PLEKHG4B: variants seen among roughly 807,000 people sequenced by gnomAD.
The protein encoded by PLEKHG4B is pleckstrin homology domain-containing family G member 4B.
PLEKHG4B carries 111 observed loss-of-function variants against 121.3 expected under a neutral mutation model. That is an observed-to-expected ratio of 0.92 (90% CI 0.78 to 1.07). The LOEUF (loss-of-function observed/expected upper bound fraction) is 1.07. Among genes scored for constraint, PLEKHG4B ranks in the 50% least tolerant of loss-of-function variants. The pLI is 0.00. For synonymous variants in PLEKHG4B, 738 were observed against 725.0 expected (o/e 1.02, Z -0.29); for missense variants, 1,831 against 1,757.8 (o/e 1.04, Z -0.74).
chr5:189,224 T>A lies in PLEKHG4B; in HGVS notation c.*6901T>A, dbSNP rs1336611242. The A allele has an allele frequency of 6.6e-6, 1 of 152,430 alleles. No homozygotes were observed. The highest frequency in any genetic ancestry group is 1.5e-5 in the Non-Finnish European group (1 of 68,180). The allele number at this position is 152,430 out of a possible 1,614,324, so 9.4% of individuals were successfully genotyped here. A position where few individuals can be genotyped will look rare whatever the true frequency, so the allele number is the denominator to read the frequency against. ...AGTGCCTGCCAGCTGCAGACCCCCA[T>A]GCTCCTGCAGCCTGGAACCCTCCTG... On this transcript the variant is annotated 3_prime_UTR_variant, in exon 20 of 20. Transcript: ENST00000637938.
Position 161,857 on chromosome 5 carries a change from A to G in PLEKHG4B, c.2562A>G (p.Arg854=). Residue 854 remains arginine, a synonymous_variant, in exon 12 of 20, where the codon AGA becomes AGG. Coordinates refer to ENST00000637938, the MANE Select transcript of PLEKHG4B (RefSeq NM_052909.5). ...QRTEEMVQDF[R]RGLSAVVSQA... ...CAGAGGAAATGGTCCAGGATTTCAG[A>G]AGGGGCCTGAGCGCCGTGGTCAGCC... 1.2e-6 allele frequency: 2 copies of G among 1,613,850 alleles called. No individual in the cohort carries two copies. Among genetic ancestry groups the G allele is most frequent in the South Asian group, 1.1e-5 (1 of 91,078 alleles).
rs528627119 is a variant in PLEKHG4B at position 113,959 on chromosome 5, C to T, written c.243+511C>T. Among the ~76,000 whole-genome samples, 2 of 152,302 alleles carry T rather than the reference C, an allele frequency of 1.3e-5. No homozygotes were observed. The highest frequency in any genetic ancestry group is 1.3e-4 in the Admixed American group (2 of 15,304). On this transcript the variant is annotated intron_variant, in intron 2 of 19. Coordinates refer to ENST00000637938, the MANE Select transcript of PLEKHG4B (RefSeq NM_052909.5). The surrounding 1 kb of genome is among the most constrained non-coding windows in gnomAD (Gnocchi z 5.2). ...GACCAGCAAAGTAAGGCAGATACCA[C>T]GCTAATGCCAGACACACAAAGTTTT...
Position 182,527 on chromosome 5 carries a change from TA to T in PLEKHG4B, c.*210del. 1 of 597,968 alleles carries T rather than the reference TA, an allele frequency of 1.7e-6. No homozygotes were observed. 37.0% of individuals were successfully genotyped at this position (597,968 alleles called of 1,614,324 possible). On this transcript the variant is annotated 3_prime_UTR_variant, in exon 20 of 20. Transcript: ENST00000637938. ...AACAAATTTATAATTTTGTCTTATTTAAAAAACAAACCTTCCACTTCCACCC... is the reference window on the plus strand; with the variant it reads ...AACAAATTTATAATTTTGTCTTATTTAAAAACAAACCTTCCACTTCCACCC...
chr5:145,789 G>A (rs1735388494), intron 6 of PLEKHG4B, among the ~76,000 whole-genome samples: 1 of 152,012 alleles, frequency 6.6e-6, no homozygotes, highest in East Asian at 1.9e-4. Flanking sequence ...GGGGGTCCAG[G>A]GACAGGGACA....
chr5:178,785 G>A (rs6872820), intron 18 of PLEKHG4B, among the ~76,000 whole-genome samples: 21,839 of 152,066 alleles, frequency 0.14, 3,605 homozygotes, highest in African/African-American at 0.4. Flanking sequence ...ATGGGGATGC[G>A]GTCCAGGACT....
rs1734209888 is a variant in PLEKHG4B at position 113,273 on chromosome 5, G to A, written c.68G>A (p.Cys23Tyr). The A allele has an allele frequency of 1.0e-5, 4 of 398,992 alleles. No individual in the cohort carries two copies. The East Asian group carries it at 1.4e-4, about 14-fold the overall frequency. 24.7% of individuals were successfully genotyped at this position (398,992 alleles called of 1,614,324 possible). A position where few individuals can be genotyped will look rare whatever the true frequency, so the allele number is the denominator to read the frequency against. The part of the protein sequence containing the change: ...GARDLESLDA[C>Y]IQRTLSALYP... The stretch of plus-strand genomic sequence containing the variant: ...CAGGATCTGGAATCTCTTGATGCCT[G>A]TATCCAGAGGACGCTCTCTGCCTTG... The change falls in exon 2 of 20, where the codon TGT becomes TAT. Residue 23 changes from cysteine to tyrosine, a missense_variant. By Grantham distance (194) the Cys-to-Tyr change is radical (BLOSUM62 -2). Coordinates refer to ENST00000637938, the MANE Select transcript of PLEKHG4B (RefSeq NM_052909.5). The surrounding 1 kb of genome is among the most constrained non-coding windows in gnomAD (Gnocchi z 5.2).
chr5:155,472 A>T (rs1735744716), intron 9 of PLEKHG4B, 29 bp downstream of exon 9: 1 of 1,562,374 alleles, frequency 6.4e-7, no homozygotes, highest in Non-Finnish European at 8.8e-7. Flanking sequence ...AGGTAAGTTC[A>T]TTTCATGTGA....
intron 12 of PLEKHG4B, 150 bp downstream of exon 12, chr5:162,094 A>G (rs1409399146): frequency 9.5e-7 from 1 of 1,052,610 alleles, no homozygotes; most frequent in East Asian, 2.6e-5. Flanking sequence ...CACTGCGCCC[A>G]CGGCTCTCTG....
intron 2 of PLEKHG4B, among the ~76,000 whole-genome samples, chr5:128,399 G>T (rs995396242): frequency 6.6e-6 from 1 of 152,144 alleles, no homozygotes; most frequent in African/African-American, 2.4e-5. Context: ...GGTTTGTAGG[G>T]CATGAACTCC....
chr5:139,197 C>A lies in PLEKHG4B; in HGVS notation c.244-286C>A, dbSNP rs1197743762. On this transcript the variant is annotated intron_variant, in intron 2 of 19. Coordinates refer to ENST00000637938, the MANE Select transcript of PLEKHG4B (RefSeq NM_052909.5). This position sits in a 1 kb window ranked among gnomAD's most constrained non-coding sequence, Gnocchi z 5.0. ...AGCGCCTGGTGGGCTGTGGCTGTGG[C>A]CCTCGAGTGGCCTCCTCTCCCCTGT... Among the ~76,000 whole-genome samples, 1 of 152,174 alleles carries A rather than the reference C, an allele frequency of 6.6e-6. No individual in the cohort carries two copies. Among genetic ancestry groups the A allele is most frequent in the African/African-American group, 2.4e-5 (1 of 41,440 alleles).
intron 6 of PLEKHG4B, among the ~76,000 whole-genome samples, chr5:148,107 C>A (rs137899343): frequency 5.9e-4 from 90 of 152,130 alleles, no homozygotes; most frequent in African/African-American, 2.0e-3. Flanking sequence ...TATGAAAAAT[C>A]TACAGCAAAT....
At chr5:120,710 C>G (rs938908287) in intron 2 of PLEKHG4B, among the ~76,000 whole-genome samples, 3 of 152,194 alleles carry the variant, frequency 2.0e-5, no homozygotes, top group Non-Finnish European at 4.4e-5. Context: ...TGAAAGGAAA[C>G]ATGCCTGCAT....
rs979590102 is a variant in PLEKHG4B at position 185,982 on chromosome 5, A to C, written c.*3659A>C. ...CACGGCCGGGACCCCTCAGCCTGTG[A>C]CTTGGTCTGGGCAGATGCAAAGGCC... On this transcript the variant is annotated 3_prime_UTR_variant, in exon 20 of 20. Transcript: ENST00000637938. 2 of 152,144 alleles carry C rather than the reference A, an allele frequency of 1.3e-5. No homozygotes were observed. The highest frequency in any genetic ancestry group is 4.8e-5 in the African/African-American group (2 of 41,430). The allele number at this position is 152,144 out of a possible 1,614,324, so 9.4% of individuals were successfully genotyped here. A position where few individuals can be genotyped will look rare whatever the true frequency, so the allele number is the denominator to read the frequency against.
chr5:112,460 C>G (rs1734186001), intron 1 of PLEKHG4B, among the ~76,000 whole-genome samples: 1 of 152,226 alleles, frequency 6.6e-6, no homozygotes, highest in African/African-American at 2.4e-5. Context: ...CTTTCACTGC[C>G]TTGCAGTTCT....
chr5:142,482 CAT>C lies in PLEKHG4B; in HGVS notation c.1478-562_1478-561del, dbSNP rs542990965. Among the ~76,000 whole-genome samples, 107 of 151,930 alleles carry C rather than the reference CAT, an allele frequency of 7.0e-4. 2 individuals carry two copies. In the East Asian group the frequency reaches 0.016, roughly 23 times the overall value. ...CACAATCACATGCTCCAGAGTTACA[CAT>C]ATCACACACGCAGTCACACCACACG... On this transcript the variant is annotated intron_variant, in intron 3 of 19. Transcript: ENST00000637938.
At chr5:176,002 G>A (rs1218701657) in intron 18 of PLEKHG4B, among the ~76,000 whole-genome samples, 2 of 112,128 alleles carry the variant, frequency 1.8e-5, no homozygotes, top group Non-Finnish European at 4.5e-5. Context: ...CTCCTGCACG[G>A]CTGCACCCCG....
chr5:162,085 A>G (rs2126435749), intron 12 of PLEKHG4B, 141 bp downstream of exon 12: 1 of 1,103,782 alleles, frequency 9.1e-7, no homozygotes. Flanking sequence ...CCCCCTGGCC[A>G]CTGCGCCCAC....
At position 143,256 on chromosome 5, in the gene PLEKHG4B, G is replaced by A; in HGVS notation, c.1687G>A (p.Gly563Arg). The change falls in exon 4 of 20, where the codon GGG (glycine) becomes AGG (arginine). Residue 563 changes from glycine to arginine, a missense_variant and splice_region_variant. Gly to Arg is a moderately radical substitution (Grantham distance 125). Coordinates refer to ENST00000637938, the MANE Select transcript of PLEKHG4B (RefSeq NM_052909.5). ...LLQSGVVTLPGTRDRHGRAVV... is the reference protein window; with the variant it reads ...LLQSGVVTLPRTRDRHGRAVV... ...GCAGTCCGGGGTCGTCACCCTCCCAGGTGAGAGCACATGCCAGGCTCTCCT... is the reference window on the plus strand; with the variant it reads ...GCAGTCCGGGGTCGTCACCCTCCCAAGTGAGAGCACATGCCAGGCTCTCCT... 6 of 1,609,952 alleles carry A rather than the reference G, an allele frequency of 3.7e-6. No individual in the cohort carries two copies. The highest frequency in any genetic ancestry group is 5.1e-6 in the Non-Finnish European group (6 of 1,179,950).
rs746991216 is a variant in PLEKHG4B, at chr5:144,788, A to G, written c.1812-39A>G. The G allele has an allele frequency of 4.5e-6, 7 of 1,558,820 alleles. No individual in the cohort carries two copies. The South Asian group carries it at 6.7e-5, about 15-fold the overall frequency. Reference sequence around the variant, plus strand: ...GAAACTCGTTCTTGTAAGAGATTTAACCTTCAGTGGTTAAGATGGGCTGTC... The same window carrying G: ...GAAACTCGTTCTTGTAAGAGATTTAGCCTTCAGTGGTTAAGATGGGCTGTC... On this transcript the variant is annotated intron_variant, in intron 5 of 19. Coordinates refer to ENST00000637938, the MANE Select transcript of PLEKHG4B (RefSeq NM_052909.5).
Sources: gnomAD v4.1 joint callset for allele counts (sites outside exome capture counted in the v4.1 genomes callset) on GRCh38, gnomAD v4.1.1 for gene constraint, Gnocchi (gnomAD v3.1) non-coding constraint, MANE v1.5 for transcripts, NCBI Gene and HGNC (gene_info 2026-07-23, HGNC 2026-07-21) for gene names.